Variants in NRG1 observed in about 807,000 individuals in gnomAD.
The protein encoded by NRG1 is pro-neuregulin-1, membrane-bound isoform.
In NRG1, 18 loss-of-function variants were observed where a neutral mutation model predicts 63.8. The observed-to-expected ratio is 0.28, with a 90% CI of 0.19 to 0.42. The LOEUF is 0.42. NRG1 is among the 10% of genes least tolerant of loss of function. The pLI is 1.00. For missense variants in NRG1, 762 were observed against 814.7 expected (o/e 0.94, Z 0.79); for synonymous variants, 302 against 301.3 (o/e 1.00, Z -0.02).
At chr8:31,817,348 G>GAGGCATTCC (rs1823555254) in intron 1 of NRG1, among the ~76,000 whole-genome samples, 1 of 152,186 alleles carries the variant, frequency 6.6e-6, no homozygotes, top group Non-Finnish European at 1.5e-5. Context: ...GGATGGACTA[G>GAGGCATTCC]AGGCATTCCA....
At chr8:32,522,281 T>C (rs1455475033) in intron 1 of NRG1, among the ~76,000 whole-genome samples, 1 of 152,232 alleles carries the variant, frequency 6.6e-6, no homozygotes, top group Non-Finnish European at 1.5e-5. Context: ...TGGGACCTCA[T>C]TGTGGGCTAA....
At chr8:32,681,536 A>G (rs1808623071) in intron 5 of NRG1, among the ~76,000 whole-genome samples, 1 of 152,184 alleles carries the variant, frequency 6.6e-6, no homozygotes, top group African/African-American at 2.4e-5. Flanking sequence ...TATAAAGTAT[A>G]GTAAGACAGC....
intron 5 of NRG1, among the ~76,000 whole-genome samples, chr8:32,704,532 C>G (rs1470041619): frequency 6.6e-6 from 1 of 152,120 alleles, no homozygotes; most frequent in South Asian, 2.1e-4. Context: ...GTAAGATAAA[C>G]AAACAAAAGG....
At chr8:32,065,447 T>A (rs1164016584) in intron 1 of NRG1, among the ~76,000 whole-genome samples, 3 of 152,100 alleles carry the variant, frequency 2.0e-5, no homozygotes, top group Non-Finnish European at 4.4e-5. Context: ...AGTGAGAACA[T>A]GTGGTGTTTG....
chr8:31,774,482 G>A (rs548758214), intron 1 of NRG1, among the ~76,000 whole-genome samples: 79 of 152,250 alleles, frequency 5.2e-4, no homozygotes, highest in African/African-American at 1.8e-3. Context: ...CACAGAACAG[G>A]TTTTTGATTA....
At chr8:31,761,831 G>C (rs549712593) in intron 1 of NRG1, among the ~76,000 whole-genome samples, 1 of 152,196 alleles carries the variant, frequency 6.6e-6, no homozygotes, top group East Asian at 1.9e-4. Context: ...AGCACATGCT[G>C]TTGGAAAAAT....
At chr8:31,860,368 G>A (rs1828362345) in intron 1 of NRG1, among the ~76,000 whole-genome samples, 1 of 152,174 alleles carries the variant, frequency 6.6e-6, no homozygotes, top group Admixed American at 6.5e-5. Flanking sequence ...GCAGTTTTGT[G>A]CAGCAAAATA....
chr8:32,482,065 G>C (rs11783786), intron 1 of NRG1, among the ~76,000 whole-genome samples: 4 of 152,002 alleles, frequency 2.6e-5, no homozygotes, highest in African/African-American at 4.8e-5. Flanking sequence ...AAATGATGAC[G>C]CTGTATGAGT....
intron 1 of NRG1, among the ~76,000 whole-genome samples, chr8:31,868,109 C>T (rs1011500098): frequency 1.3e-4 from 19 of 150,378 alleles, no homozygotes; most frequent in African/African-American, 4.2e-4. Flanking sequence ...AGCAGTTATA[C>T]TCTACCATCC....
At chr8:31,783,013 A>G (rs1053392033) in intron 1 of NRG1, among the ~76,000 whole-genome samples, 1 of 152,190 alleles carries the variant, frequency 6.6e-6, no homozygotes, top group African/African-American at 2.4e-5. Context: ...AATACCAATG[A>G]ACAGATCATT....
intron 1 of NRG1, among the ~76,000 whole-genome samples, chr8:32,074,252 A>C (rs1826172883): frequency 1.3e-5 from 2 of 152,156 alleles, no homozygotes; most frequent in Non-Finnish European, 2.9e-5. Flanking sequence ...TTTTTTGGTC[A>C]TCTTTCTAGC....
At chr8:32,077,394 A>G (rs16878752) in intron 1 of NRG1, among the ~76,000 whole-genome samples, 4,657 of 152,184 alleles carry the variant, frequency 0.031, 250 homozygotes, top group African/African-American at 0.11. Context: ...GTTAACTACT[A>G]CAAGCATAAA....
chr8:32,173,959 G>T (rs1840385063), intron 1 of NRG1, among the ~76,000 whole-genome samples: 1 of 152,142 alleles, frequency 6.6e-6, no homozygotes, highest in Non-Finnish European at 1.5e-5. Context: ...AGGATATGCA[G>T]GCATTGAACT....
At chr8:32,391,793 A>T (rs1811802541) in intron 1 of NRG1, among the ~76,000 whole-genome samples, 1 of 152,038 alleles carries the variant, frequency 6.6e-6, no homozygotes, top group African/African-American at 2.4e-5. Flanking sequence ...ATTCCTATAT[A>T]TTTTTTAATT....
rs115144788 is a variant in NRG1, at chr8:32,279,137, G to C, written c.38-316691G>C. ...CAGAGACGCTGCTACTTGAGGGCTG[G>C]CCTACCGCAGAGCTGGCGTTTATGT... On this transcript the variant is annotated intron_variant, in intron 1 of 10. Coordinates refer to the NRG1 transcript ENST00000519301. 6.2e-3 allele frequency among the ~76,000 whole-genome samples: 943 copies of C among 152,262 alleles called. 11 individuals carry two copies. The highest frequency in any genetic ancestry group is 0.021 in the African/African-American group (884 of 41,546).
intron 1 of NRG1, among the ~76,000 whole-genome samples, chr8:31,891,103 G>T (rs1478202047): frequency 6.6e-6 from 1 of 152,162 alleles, no homozygotes; most frequent in African/African-American, 2.4e-5. Flanking sequence ...CAAATAATGG[G>T]TCGACTTGAT....
Position 32,552,796 on chromosome 8 carries a change from A to G in NRG1, c.100+3970A>G, listed in dbSNP as rs143850458. ...CATGAATACTTCTCATACCCATGAA[A>G]TGGTCAGATAACACTAATGAAAAAG... On this transcript the variant is annotated intron_variant, in intron 1 of 11. Coordinates refer to ENST00000356819, the Ensembl canonical transcript of NRG1. Among the ~76,000 whole-genome samples the G allele has an allele frequency of 2.8e-4, 42 of 152,328 alleles. 1 individual carries two copies. The East Asian group carries it at 7.5e-3, about 27-fold the overall frequency.
chr8:32,699,954 C>A (rs1262533370), intron 5 of NRG1, among the ~76,000 whole-genome samples: 2 of 152,124 alleles, frequency 1.3e-5, no homozygotes, highest in Non-Finnish European at 2.9e-5. Context: ...TTATAAGATT[C>A]ACACTTCAAA....
chr8:31,853,648 G>C (rs1425590843), intron 1 of NRG1, among the ~76,000 whole-genome samples: 1 of 151,656 alleles, frequency 6.6e-6, no homozygotes, highest in East Asian at 1.9e-4. Context: ...CCAACACTAT[G>C]TTGAATAGTA....
Sources: gnomAD v4.1 joint callset for allele counts (sites outside exome capture counted in the v4.1 genomes callset) on GRCh38, gnomAD v4.1.1 for gene constraint, MANE v1.5 for transcripts, NCBI Gene and HGNC (gene_info 2026-07-23, HGNC 2026-07-21) for gene names.